Variants in UGT2B17 observed in about 807,000 individuals in gnomAD.
The protein encoded by UGT2B17 is UDP-glucuronosyltransferase 2B17.
UGT2B17 carries 21 observed loss-of-function variants against 48.2 expected under a neutral mutation model. That is an observed-to-expected ratio of 0.44 (90% CI 0.31 to 0.63). The LOEUF is 0.63. Ranked by LOEUF, UGT2B17 falls within the 20% of genes least tolerant of loss-of-function variation. The pLI, the probability that UGT2B17 is intolerant of heterozygous loss-of-function variation, is 0.08. For synonymous variants in UGT2B17, 146 were observed against 238.4 expected (o/e 0.61, Z 3.57); for missense variants, 402 against 696.1 (o/e 0.58, Z 4.75).
At chr4:68,555,497 C>A (rs1730984571) in intron 4 of UGT2B17, among the ~76,000 whole-genome samples, 1 of 125,742 alleles carries the variant, frequency 8.0e-6, no homozygotes. Context: ...TTGGCCTACA[C>A]CCAGAAATAA....
At position 68,574,390 on chromosome 4, in the gene UGT2B17, A is replaced by G. The variant is rs1222144160; in HGVS notation, c.-65+1561T>C. Among the ~76,000 whole-genome samples the G allele has an allele frequency of 1.6e-5, 2 of 126,618 alleles. 1 individual carries two copies. The highest frequency in any genetic ancestry group is 3.3e-5 in the Non-Finnish European group (2 of 59,780). The allele number at this position is 126,618 out of a possible 152,430, so 83.1% of individuals were successfully genotyped here. ...TGTAGACATATTTATCCAATTTTTC[A>G]TAGTTGACCATAAGGTAAGATTTTA... On this transcript the variant is annotated intron_variant, in intron 1 of 6. Transcript: ENST00000317746.
At chr4:68,560,342 C>T (rs1304906988) in intron 4 of UGT2B17, among the ~76,000 whole-genome samples, 195 bp downstream of exon 4, 1 of 129,754 alleles carries the variant, frequency 7.7e-6, no homozygotes, top group African/African-American at 2.7e-5. Context: ...TTAATGCCAA[C>T]GTTATTATCA....
At position 68,548,082 on chromosome 4, in the gene UGT2B17, C is replaced by A. The variant is rs1469711206; in HGVS notation, c.1313+2595G>T. Among the ~76,000 whole-genome samples the A allele has an allele frequency of 2.4e-5, 3 of 126,566 alleles. 1 individual carries two copies. The highest frequency in any genetic ancestry group is 1.7e-5 in the Non-Finnish European group (1 of 59,640). 83.0% of individuals were successfully genotyped at this position (126,566 alleles called of 152,430 possible). A position where few individuals can be genotyped will look rare whatever the true frequency, so the allele number is the denominator to read the frequency against. ...TAGCATTCCCATTACTGGGTATATA[C>A]CCAAAGGGTTATAAATCATGCTTCT... On this transcript the variant is annotated intron_variant, in intron 6 of 6. Coordinates refer to ENST00000317746, the MANE Select transcript of UGT2B17 (RefSeq NM_001077.4).
chr4:68,570,563 C>G (rs1175564524), intron 1 of UGT2B17, among the ~76,000 whole-genome samples: 1 of 126,120 alleles, frequency 7.9e-6, no homozygotes, highest in African/African-American at 2.7e-5. Context: ...TCATTCCCCC[C>G]TTTTGAGACT....
rs1368627443 is a variant in UGT2B17, at chr4:68,568,493, T to C, written c.-9A>G. On this transcript the variant is annotated 5_prime_UTR_variant, in exon 2 of 7. In the 5' UTR this introduces an upstream ATG that the reference lacks. Coordinates refer to ENST00000317746, the MANE Select transcript of UGT2B17 (RefSeq NM_001077.4). ...ATCCATTTCAGAGACATCCTGGTCTTATGCAGTGCTTCTTTTCCAGTTGTT... is the reference window on the plus strand; with the variant it reads ...ATCCATTTCAGAGACATCCTGGTCTCATGCAGTGCTTCTTTTCCAGTTGTT... 1.5e-6 allele frequency: 2 copies of C among 1,321,984 alleles called. 1 individual carries two copies. 81.9% of individuals were successfully genotyped at this position (1,321,984 alleles called of 1,614,324 possible).
At chr4:68,572,030 G>A (rs1731303452) in intron 1 of UGT2B17, among the ~76,000 whole-genome samples, 1 of 125,664 alleles carries the variant, frequency 8.0e-6, no homozygotes, top group South Asian at 3.6e-4. Flanking sequence ...TCCTATTCAT[G>A]CAAGAGGGGC....
rs1361155943 is a variant in UGT2B17 at position 68,556,151 on chromosome 4, T to A, written c.1006-4240A>T. Among the ~76,000 whole-genome samples, 5 of 124,256 alleles carry A rather than the reference T, an allele frequency of 4.0e-5. 1 individual carries two copies. The highest frequency in any genetic ancestry group is 1.6e-4 in the Admixed American group (2 of 12,134). 81.5% of individuals were successfully genotyped at this position (124,256 alleles called of 152,430 possible). A position where few individuals can be genotyped will look rare whatever the true frequency, so the allele number is the denominator to read the frequency against. On this transcript the variant is annotated intron_variant, in intron 4 of 6. Coordinates refer to ENST00000317746, the MANE Select transcript of UGT2B17 (RefSeq NM_001077.4). ...AAGTTGTCTATAATTAAAGGGAAAT[T>A]ATAATGGTGTTTCTACAGATTGGGC...
rs1362315928 is a variant in UGT2B17 at position 68,546,722 on chromosome 4, G to A, written c.1313+3955C>T. Among the ~76,000 whole-genome samples the A allele has an allele frequency of 2.4e-5, 3 of 125,792 alleles. 1 individual carries two copies. The highest frequency in any genetic ancestry group is 5.4e-5 in the African/African-American group (2 of 36,864). 82.5% of individuals were successfully genotyped at this position (125,792 alleles called of 152,430 possible). A position where few individuals can be genotyped will look rare whatever the true frequency, so the allele number is the denominator to read the frequency against. Reference sequence around the variant, plus strand: ...CTCCTTAAGCTGATAAGCAACTTCAGCAAAGTCTCAGGATAAAAAATCAAT... The same window carrying A: ...CTCCTTAAGCTGATAAGCAACTTCAACAAAGTCTCAGGATAAAAAATCAAT... On this transcript the variant is annotated intron_variant, in intron 6 of 6. Transcript: ENST00000317746.
intron 3 of UGT2B17, among the ~76,000 whole-genome samples, chr4:68,563,267 G>A (rs376499099): frequency 7.9e-6 from 1 of 126,662 alleles, no homozygotes; most frequent in Non-Finnish European, 1.7e-5. Flanking sequence ...TTAGAGAATC[G>A]GTTTCACAAT....
At position 68,572,628 on chromosome 4, in the gene UGT2B17, G is replaced by A. The variant is rs1209614569; in HGVS notation, c.-65+3323C>T. ...TTAGCTCTTTTATAATAACCATAAA[G>A]TAATTAGCTCTTTTATAATAACTAT... On this transcript the variant is annotated intron_variant, in intron 1 of 6. Transcript: ENST00000317746. 2.4e-5 allele frequency among the ~76,000 whole-genome samples: 3 copies of A among 126,486 alleles called. 1 individual carries two copies. The highest frequency in any genetic ancestry group is 8.1e-5 in the African/African-American group (3 of 36,920). 83.0% of individuals were successfully genotyped at this position (126,486 alleles called of 152,430 possible). A position where few individuals can be genotyped will look rare whatever the true frequency, so the allele number is the denominator to read the frequency against.
intron 3 of UGT2B17, among the ~76,000 whole-genome samples, chr4:68,564,173 G>T (rs1489072240): frequency 8.3e-6 from 1 of 120,902 alleles, no homozygotes; most frequent in African/African-American, 2.8e-5. Context: ...TACACATTGA[G>T]AACATTGGGA....
At chr4:68,541,754 C>T (rs188774739) in intron 6 of UGT2B17, among the ~76,000 whole-genome samples, 1,546 of 126,802 alleles carry the variant, frequency 0.012, 301 homozygotes, top group African/African-American at 0.04. Flanking sequence ...CTTAGGTTTT[C>T]TTCCAGGGTT....
intron 3 of UGT2B17, among the ~76,000 whole-genome samples, chr4:68,562,603 G>T (rs1731124747): frequency 7.9e-6 from 1 of 125,900 alleles, no homozygotes; most frequent in Non-Finnish European, 1.7e-5. Context: ...TCTGTTTATA[G>T]ACAGATCAGC....
chr4:68,570,825 G>A lies in UGT2B17; in HGVS notation c.-64-2277C>T, dbSNP rs1731286520. Among the ~76,000 whole-genome samples the A allele has an allele frequency of 2.4e-5, 3 of 126,284 alleles. 1 individual carries two copies. In the Admixed American group the frequency reaches 2.4e-4, roughly 10 times the overall value. The allele number at this position is 126,284 out of a possible 152,430, so 82.8% of individuals were successfully genotyped here. On this transcript the variant is annotated intron_variant, in intron 1 of 6. Coordinates refer to ENST00000317746, the MANE Select transcript of UGT2B17 (RefSeq NM_001077.4). ...GTGCTGGGAACCACTTTCTAAACAT[G>A]GCTTCAGGGTTGAATCCGTGCTACA...
At chr4:68,552,870 T>C (rs1463766414) in intron 4 of UGT2B17, among the ~76,000 whole-genome samples, 3 of 124,708 alleles carry the variant, frequency 2.4e-5, no homozygotes, top group Non-Finnish European at 5.1e-5. Flanking sequence ...TTTACTTGCT[T>C]CCTACAAGAA....
rs1421205739 is a variant in UGT2B17, at chr4:68,545,304, C to G, written c.1313+5373G>C. ...ACTGTTCAACTACATGGAAACTGAA[C>G]AACCTGCTTCTGAATGACTACTGGG... is the stretch of plus-strand genomic sequence containing the variant. On this transcript the variant is annotated intron_variant, in intron 6 of 6. Coordinates refer to ENST00000317746, the MANE Select transcript of UGT2B17 (RefSeq NM_001077.4). 1.6e-5 allele frequency among the ~76,000 whole-genome samples: 2 copies of G among 126,406 alleles called. 1 individual carries two copies. The highest frequency in any genetic ancestry group is 5.4e-5 in the African/African-American group (2 of 36,946). The allele number at this position is 126,406 out of a possible 152,430, so 82.9% of individuals were successfully genotyped here.
chr4:68,572,931 A>G lies in UGT2B17; in HGVS notation c.-65+3020T>C, dbSNP rs1299389825. Among the ~76,000 whole-genome samples the G allele has an allele frequency of 1.6e-5, 2 of 126,518 alleles. 1 individual carries two copies. Among genetic ancestry groups the G allele is most frequent in the African/African-American group, 5.4e-5 (2 of 36,876 alleles). The allele number at this position is 126,518 out of a possible 152,430, so 83.0% of individuals were successfully genotyped here. ...TCCACGTACAGCTCCCAGTCTACTG[A>G]TGTACAGTTATGTTTAACTGGGCTC... is the stretch of plus-strand genomic sequence containing the variant. On this transcript the variant is annotated intron_variant, in intron 1 of 6. Transcript: ENST00000317746.
Position 68,568,117 on chromosome 4 carries a change from T to C in UGT2B17, c.368A>G (p.Tyr123Cys). 1 of 1,381,586 alleles carries C rather than the reference T, an allele frequency of 7.2e-7. No homozygotes were observed. Among genetic ancestry groups the C allele is most frequent in the Non-Finnish European group, 9.5e-7 (1 of 1,055,274 alleles). 85.6% of individuals were successfully genotyped at this position (1,381,586 alleles called of 1,614,324 possible). ...TGCATCTTCACAGAGCTTTATATTA[T>C]AGTCAGAATATTCCCAACACAATTC... ...LQELCWEYSD[Y>C]NIKLCEDAVL... is the part of the protein sequence containing the mutation. Residue 123 changes from tyrosine (Y) to cysteine (C), a missense_variant, in exon 2 of 7, where the codon TAT becomes TGT. Transcript: ENST00000317746.
intron 3 of UGT2B17, 83 bp downstream of exon 3, chr4:68,565,489 T>G: frequency 9.0e-7 from 1 of 1,112,646 alleles, no homozygotes; most frequent in South Asian, 2.5e-5. Context: ...CCCCTCACTC[T>G]GAGTTAAACA....
Sources: allele counts gnomAD v4.1 joint callset (sites outside exome capture counted in the v4.1 genomes callset), GRCh38; gene constraint gnomAD v4.1.1; transcripts MANE v1.5; gene names NCBI Gene and HGNC (gene_info 2026-07-23, HGNC 2026-07-21).